Variants in C16orf46 observed in about 807,000 individuals in gnomAD.
C16orf46 encodes uncharacterized protein C16orf46.
A neutral mutation model predicts 5.5 loss-of-function variants in C16orf46; 7 were observed. That is an observed-to-expected ratio of 1.28 (90% CI 0.73 to 2.40). The LOEUF is 2.40. Among genes scored for constraint, C16orf46 ranks in the 30% most tolerant of loss-of-function variants. The probability of loss-of-function intolerance (pLI) is 0.00; values close to 1 mark genes in which losing one functional copy is unlikely to be tolerated. For synonymous variants in C16orf46, 200 were observed against 184.1 expected (o/e 1.09, Z -0.70); for missense variants, 614 against 476.0 (o/e 1.29, Z -2.70).
intron 2 of C16orf46, among the ~76,000 whole-genome samples, 166 bp downstream of exon 2, chr16:81,066,027 G>C (rs545834663): frequency 4.7e-5 from 7 of 150,256 alleles, no homozygotes; most frequent in South Asian, 2.1e-4. Flanking sequence ...CTGGGATTAC[G>C]GGCGTGAGTC....
At chr16:81,072,701 T>A (rs988489376) in intron 1 of C16orf46, among the ~76,000 whole-genome samples, 1 of 151,604 alleles carries the variant, frequency 6.6e-6, no homozygotes, top group African/African-American at 2.4e-5. Context: ...TATTTTTTTA[T>A]TTTTATTTTT....
At chr16:81,055,678 G>C (rs142591813) in intron 3 of C16orf46, among the ~76,000 whole-genome samples, 1 of 152,138 alleles carries the variant, frequency 6.6e-6, no homozygotes, top group East Asian at 1.9e-4. Flanking sequence ...TGGGTAACAG[G>C]TGAAACTCTG....
At chr16:81,068,739 T>TCACC (rs746584049) in intron 1 of C16orf46, among the ~76,000 whole-genome samples, 1 of 151,970 alleles carries the variant, frequency 6.6e-6, no homozygotes, top group African/African-American at 2.4e-5. Context: ...TCTCGCTCTG[T>TCACC]CACCCATGCT....
chr16:81,062,706 T>A (rs1326920364), intron 3 of C16orf46, among the ~76,000 whole-genome samples: 2 of 152,004 alleles, frequency 1.3e-5, no homozygotes, highest in African/African-American at 2.4e-5. Context: ...CTACTCCCCA[T>A]ACACGCCCAG....
At chr16:81,055,539 A>C (rs1428638092) in intron 3 of C16orf46, 1 of 151,876 alleles carries the variant, frequency 6.6e-6, no homozygotes. Context: ...CAAAAAAAAA[A>C]AAAAATTAGC....
Position 81,065,817 on chromosome 16 carries a change from ATTTTGTTTTGTTTTG to A in C16orf46, c.-39+361_-39+375del, listed in dbSNP as rs67787866. Among the ~76,000 whole-genome samples, 1,300 of 149,774 alleles carry A rather than the reference ATTTTGTTTTGTTTTG, an allele frequency of 8.7e-3. 16 individuals are homozygous for A. Among genetic ancestry groups the A allele is most frequent in the African/African-American group, 0.029 (1,168 of 40,632 alleles). On this transcript the variant is annotated intron_variant, in intron 2 of 3. Coordinates refer to ENST00000299578, the MANE Select transcript of C16orf46 (RefSeq NM_152337.3). The stretch of plus-strand genomic sequence containing the variant: ...TTTTTCACATAGGCTTAGTTTTTTT[ATTTTGTTTTGTTTTG>A]TTTTGTTTTGTTTTGTTTTGTTTTT...
At chr16:81,072,809 C>T (rs1971901624) in intron 1 of C16orf46, among the ~76,000 whole-genome samples, 1 of 152,166 alleles carries the variant, frequency 6.6e-6, no homozygotes, top group South Asian at 2.1e-4. Flanking sequence ...TCAAGCAATT[C>T]TCAAGCCTCA....
In C16orf46 at chr16:81,061,271, G is replaced by T. The variant is rs1971457672; in HGVS notation, c.1078C>A (p.Gln360Lys). 2 of 1,614,146 alleles carry T rather than the reference G, an allele frequency of 1.2e-6. No individual in the cohort carries two copies. Among genetic ancestry groups the T allele is most frequent in the East Asian group, 4.5e-5 (2 of 44,870 alleles). Residue 360 changes from glutamine to lysine, a missense_variant, in exon 4 of 4, where the codon CAG becomes AAG. Coordinates refer to ENST00000299578, the MANE Select transcript of C16orf46 (RefSeq NM_152337.3). ...TCCAGCATTTGGGGCCTGTTTTCCTGCTTGGCCTTTGGGAGAACATGCTTT... is the reference window on the plus strand; with the variant it reads ...TCCAGCATTTGGGGCCTGTTTTCCTTCTTGGCCTTTGGGAGAACATGCTTT... ...TRKHVLPKAK[Q>K]ENRPQMLETK...
At chr16:81,067,702 G>A (rs915920587) in intron 1 of C16orf46, among the ~76,000 whole-genome samples, 24 of 152,038 alleles carry the variant, frequency 1.6e-4, no homozygotes, top group African/African-American at 3.4e-4. Context: ...ACAGGCGTGC[G>A]CTACCATGCA....
At chr16:81,074,405 A>T (rs79814147) in intron 1 of C16orf46, among the ~76,000 whole-genome samples, 2 of 148,292 alleles carry the variant, frequency 1.3e-5, no homozygotes, top group East Asian at 4.0e-4. Context: ...TTTTTTTTTT[A>T]GACAGAGTCT....
intron 1 of C16orf46, among the ~76,000 whole-genome samples, chr16:81,074,096 C>T (rs896021010): frequency 5.3e-5 from 8 of 152,176 alleles, no homozygotes; most frequent in Non-Finnish European, 7.3e-5. Context: ...TTAAGTCATC[C>T]GCAAGCCTGC....
chr16:81,071,999 TG>T (rs2151757899), intron 1 of C16orf46: 1 of 152,294 alleles, frequency 6.6e-6, no homozygotes, highest in South Asian at 2.1e-4. Flanking sequence ...GGTGAGGCAG[TG>T]AATAGGTAAC....
intron 3 of C16orf46, among the ~76,000 whole-genome samples, chr16:81,063,266 A>C (rs912612983): frequency 2.6e-5 from 4 of 151,234 alleles, no homozygotes; most frequent in Non-Finnish European, 5.9e-5. Context: ...AAAAAAAAAA[A>C]AACCCACAGA....
intron 1 of C16orf46, among the ~76,000 whole-genome samples, chr16:81,072,770 C>A (rs1044781529): frequency 3.3e-5 from 5 of 152,014 alleles, no homozygotes; most frequent in African/African-American, 1.2e-4. Context: ...TGCATGATCT[C>A]GGCTCACTGC....
chr16:81,076,042 T>C (rs1027963655), intron 1 of C16orf46, among the ~76,000 whole-genome samples: 1 of 152,240 alleles, frequency 6.6e-6, no homozygotes, highest in African/African-American at 2.4e-5. Context: ...GATGAGTTTC[T>C]GGCAGCCTCA....
At chr16:81,064,132 G>A in intron 2 of C16orf46, 139 bp from the exon 3 acceptor site, 1 of 529,420 alleles carries the variant, frequency 1.9e-6, no homozygotes, top group Non-Finnish European at 3.3e-6. Flanking sequence ...GTAATTCCAG[G>A]AATTACTTTG....
chr16:81,075,259 T>TCTC (rs200307189), intron 1 of C16orf46, among the ~76,000 whole-genome samples: 1 of 26,380 alleles, frequency 3.8e-5, no homozygotes, highest in Admixed American at 5.4e-4. Flanking sequence ...TCTCTCTCTC[T>TCTC]TTTTTTTTTA....
chr16:81,061,058 G>C lies in C16orf46; in HGVS notation c.*103C>G. 8.3e-7 allele frequency: 1 copy of C among 1,209,506 alleles called. No individual in the cohort carries two copies. Among genetic ancestry groups the C allele is most frequent in the Non-Finnish European group, 1.1e-6 (1 of 876,184 alleles). The allele number at this position is 1,209,506 out of a possible 1,614,324, so 74.9% of individuals were successfully genotyped here. ...AGTAAAGACAGACTGACGGGGAGGA[G>C]AGAAAGAGAGAGTGGGGGGTGGGTG... On this transcript the variant is annotated 3_prime_UTR_variant, in exon 4 of 4. Coordinates refer to ENST00000299578, the MANE Select transcript of C16orf46 (RefSeq NM_152337.3).
At chr16:81,062,875 T>C (rs971506165) in intron 3 of C16orf46, among the ~76,000 whole-genome samples, 1 of 83,554 alleles carries the variant, frequency 1.2e-5, no homozygotes, top group East Asian at 4.2e-4. Context: ...CTCATAGTTT[T>C]ATGCTTTTTT....
Sources: allele counts gnomAD v4.1 joint callset (sites outside exome capture counted in the v4.1 genomes callset), GRCh38; gene constraint gnomAD v4.1.1; transcripts MANE v1.5; gene names NCBI Gene and HGNC (gene_info 2026-07-23, HGNC 2026-07-21).